The following UGT1A7 variants were observed in gnomAD, a reference collection of about 807,000 sequenced individuals.
UGT1A7 encodes the protein UDP-glucuronosyltransferase 1A7.
In UGT1A7, 33 loss-of-function variants were observed where a neutral mutation model predicts 45.6. The ratio of observed to expected loss-of-function variants is 0.72; its 90% CI spans 0.55 to 0.97. The LOEUF is 0.97. UGT1A7 is among the 50% of genes least tolerant of loss of function. UGT1A7 has a pLI of 0.00. For synonymous variants in UGT1A7, 274 were observed against 250.6 expected, an observed-to-expected ratio of 1.09 and a Z score of -0.88; for missense variants, 684 against 666.2, an observed-to-expected ratio of 1.03 and a Z score of -0.29.
intron 4 of UGT1A7, 146 bp downstream of exon 4, chr2:233,768,585 T>C (rs35500060): frequency 1.2e-4 from 36 of 308,386 alleles, no homozygotes; most frequent in Middle Eastern, 1.5e-3. Context: ...ATTTCTTCTT[T>C]TTTTTTTTTT....
intron 1 of UGT1A7, among the ~76,000 whole-genome samples, chr2:233,699,275 C>A (rs558468809): frequency 6.6e-6 from 1 of 152,208 alleles, no homozygotes; most frequent in East Asian, 1.9e-4. Flanking sequence ...GGCTTGAATC[C>A]AGGCCAGATG....
At chr2:233,695,979 G>A (rs568625801) in intron 1 of UGT1A7, among the ~76,000 whole-genome samples, 1 of 152,236 alleles carries the variant, frequency 6.6e-6, no homozygotes, top group African/African-American at 2.4e-5. Flanking sequence ...CAGTTCTGAA[G>A]ATGTCCACCT....
intron 1 of UGT1A7, among the ~76,000 whole-genome samples, chr2:233,705,552 T>C (rs2075856587): frequency 1.3e-5 from 2 of 152,186 alleles, no homozygotes; most frequent in Non-Finnish European, 1.5e-5. Flanking sequence ...CAGCTGGTGA[T>C]ATTGCTTGTG....
chr2:233,682,696 G>A lies in UGT1A7; in HGVS notation c.759G>A (p.Leu253=), dbSNP rs201654358. ...ACAGCCACACATCAATTTGGTTGTT[G>A]CGAACTGACTTTGTTTTGGAGTATC... ...DLYSHTSIWL[L]RTDFVLEYPK... is the part of the protein sequence containing the mutation. The change falls in exon 1 of 5, where the codon TTG becomes TTA. Residue 253 remains leucine (L), a synonymous_variant. Transcript: ENST00000373426. The A allele has an allele frequency of 6.2e-7, 1 of 1,613,814 alleles. No individual in the cohort carries two copies. The highest frequency in any genetic ancestry group is 8.5e-7 in the Non-Finnish European group (1 of 1,179,778).
In UGT1A7 at chr2:233,682,369, A is replaced by G. The variant is rs746633275; in HGVS notation, c.432A>G (p.Ala144=). ...ACTTAAAGGAGAGTTGTTTTGATGC[A>G]GTGTTTCTCGATCCTTTTGATGCCT... ...VEYLKESCFD[A]VFLDPFDACG... is the part of the protein sequence containing the mutation. The change falls in exon 1 of 5, where the codon GCA becomes GCG. Residue 144 remains alanine, a synonymous_variant. Coordinates refer to ENST00000373426, the MANE Select transcript of UGT1A7 (RefSeq NM_019077.3). The G allele has an allele frequency of 6.8e-6, 11 of 1,614,044 alleles. No individual in the cohort carries two copies. Among genetic ancestry groups the G allele is most frequent in the Non-Finnish European group, 9.3e-6 (11 of 1,179,946 alleles).
intron 1 of UGT1A7, chr2:233,690,422 G>C (rs1387802113): frequency 7.3e-6 from 9 of 1,238,038 alleles, no homozygotes; most frequent in Non-Finnish European, 2.1e-6. Flanking sequence ...TTACCTTCAT[G>C]CACATCTTTG....
At chr2:233,743,548 C>G in intron 1 of UGT1A7, 6 of 1,367,296 alleles carry the variant, frequency 4.4e-6, no homozygotes, top group Non-Finnish European at 5.9e-6. Flanking sequence ...CTGACCCCCC[C>G]AAAATATTCT....
chr2:233,722,551 G>A (rs1195630832), intron 1 of UGT1A7, among the ~76,000 whole-genome samples: 3 of 152,024 alleles, frequency 2.0e-5, no homozygotes, highest in Admixed American at 6.5e-5. Context: ...AGTTTCTTTT[G>A]GTTGATTTGT....
At chr2:233,749,405 TG>T (rs1425183484) in intron 1 of UGT1A7, among the ~76,000 whole-genome samples, 1 of 151,948 alleles carries the variant, frequency 6.6e-6, no homozygotes, top group African/African-American at 2.4e-5. Flanking sequence ...TATTCTCTAG[TG>T]TTAACTACAT....
chr2:233,740,535 G>A (rs566003594), intron 1 of UGT1A7, among the ~76,000 whole-genome samples: 2 of 151,952 alleles, frequency 1.3e-5, no homozygotes, highest in South Asian at 2.1e-4. Context: ...CAGCTGTGTT[G>A]AACTCCAGCC....
chr2:233,730,715 T>G (rs1367168095), intron 1 of UGT1A7, among the ~76,000 whole-genome samples: 4 of 152,064 alleles, frequency 2.6e-5, no homozygotes, highest in Non-Finnish European at 4.4e-5. Flanking sequence ...AATGCTGAAA[T>G]TATCAAGAAA....
At chr2:233,691,112 C>G (rs1240523008) in intron 1 of UGT1A7, 1 of 985,862 alleles carries the variant, frequency 1.0e-6, no homozygotes, top group Non-Finnish European at 1.2e-6. Context: ...TTCCTACATG[C>G]TTGCTTAAGC....
chr2:233,746,870 G>C (rs544593514), intron 1 of UGT1A7, among the ~76,000 whole-genome samples: 1 of 151,786 alleles, frequency 6.6e-6, no homozygotes, highest in Admixed American at 6.5e-5. Context: ...CCTGATAAAC[G>C]TGGTTAACAG....
intron 1 of UGT1A7, chr2:233,691,878 T>C (rs1461599790): frequency 6.4e-6 from 1 of 155,758 alleles, no homozygotes; most frequent in Non-Finnish European, 1.4e-5. Context: ...TATATGTTTG[T>C]CTTTGTTTCC....
At chr2:233,760,556 A>G (rs1285506084) in intron 1 of UGT1A7, 1 of 1,614,220 alleles carries the variant, frequency 6.2e-7, no homozygotes, top group Admixed American at 1.7e-5. Context: ...GATGTGAAAG[A>G]GTCTTTTGTT....
At chr2:233,689,917 A>G (rs562345639) in intron 1 of UGT1A7, 1 of 456,690 alleles carries the variant, frequency 2.2e-6, no homozygotes, top group Admixed American at 2.3e-5. Context: ...AGGTGCCTGG[A>G]ATTTCCTTCG....
At chr2:233,718,714 A>C in intron 1 of UGT1A7, 1 of 1,607,990 alleles carries the variant, frequency 6.2e-7, no homozygotes, top group Non-Finnish European at 8.5e-7. Flanking sequence ...TTCCAATTAC[A>C]TGCTGATTTG....
intron 1 of UGT1A7, among the ~76,000 whole-genome samples, chr2:233,694,648 CTTT>C (rs745676395): frequency 2.6e-5 from 4 of 152,166 alleles, no homozygotes; most frequent in Admixed American, 6.5e-5. Context: ...TTTCCAGTTC[CTTT>C]TTTATCAGAG....
chr2:233,682,765 C>G lies in UGT1A7; in HGVS notation c.828C>G (p.Asn276Lys), dbSNP rs141393523. ...MPNMIFIGGINCHQGKPVPME... is the reference protein window; with the variant it reads ...MPNMIFIGGIKCHQGKPVPME... ...ATATGATCTTCATTGGTGGTATCAACTGTCATCAGGGAAAGCCAGTGCCTA... is the reference window on the plus strand; with the variant it reads ...ATATGATCTTCATTGGTGGTATCAAGTGTCATCAGGGAAAGCCAGTGCCTA... Residue 276 changes from asparagine (N) to lysine (K), a missense_variant, in exon 1 of 5, where the codon AAC becomes AAG. Coordinates refer to ENST00000373426, the MANE Select transcript of UGT1A7 (RefSeq NM_019077.3). 13 of 1,613,600 alleles carry G rather than the reference C, an allele frequency of 8.1e-6. No individual in the cohort carries two copies. The highest frequency in any genetic ancestry group is 1.0e-5 in the Non-Finnish European group (12 of 1,179,668).
Sources: allele counts gnomAD v4.1 joint callset (sites outside exome capture counted in the v4.1 genomes callset), GRCh38; gene constraint gnomAD v4.1.1; transcripts MANE v1.5; gene names NCBI Gene and HGNC (gene_info 2026-07-23, HGNC 2026-07-21).